The following ZNF578 variants were observed in gnomAD, a reference collection of about 807,000 sequenced individuals.
ZNF578 encodes Putative chemokine-related protein B42.
Under a neutral mutation model 8.3 loss-of-function variants are expected in ZNF578, and 8 were observed. The observed-to-expected ratio is 0.96, with a 90% CI of 0.56 to 1.74. The LOEUF (loss-of-function observed/expected upper bound fraction) is 1.74, where lower values mean the gene tolerates loss of function less well. Among genes scored for constraint, ZNF578 ranks in the 40% most tolerant of loss-of-function variants. ZNF578 has a pLI of 0.00. For synonymous variants in ZNF578, 206 were observed against 232.2 expected (o/e 0.89, Z 1.03); for missense variants, 726 against 707.5 (o/e 1.03, Z -0.30).
chr19:52,478,582 G>C (rs2059315305), intron 2 of ZNF578, among the ~76,000 whole-genome samples: 1 of 152,146 alleles, frequency 6.6e-6, no homozygotes, highest in African/African-American at 2.4e-5. Context: ...TTTAGACTCA[G>C]AACATGACTC....
At position 52,515,543 on chromosome 19, in the gene ZNF578, G is replaced by A. The variant is rs1487752228; in HGVS notation, c.*3389G>A. On this transcript the variant is annotated 3_prime_UTR_variant, in exon 6 of 6. Transcript: ENST00000421239. ...GCCATTAGCCCTTCCAGGACCCCAT[G>A]TAAGACTTTAGACACCTTCTCACTC... 1.3e-5 allele frequency among the ~76,000 whole-genome samples: 2 copies of A among 152,128 alleles called. No homozygotes were observed. Among genetic ancestry groups the A allele is most frequent in the South Asian group, 2.1e-4 (1 of 4,822 alleles).
chr19:52,505,786 A>T (rs1599913608), intron 5 of ZNF578, among the ~76,000 whole-genome samples: 1 of 152,186 alleles, frequency 6.6e-6, no homozygotes, highest in African/African-American at 2.4e-5. Flanking sequence ...CCTGTAAGAG[A>T]TATGGTTTTC....
intron 2 of ZNF578, among the ~76,000 whole-genome samples, chr19:52,471,572 G>T (rs2059291893): frequency 6.6e-6 from 1 of 152,088 alleles, no homozygotes; most frequent in Non-Finnish European, 1.5e-5. Flanking sequence ...CCACAAGTGG[G>T]TACTCCAACC....
intron 2 of ZNF578, among the ~76,000 whole-genome samples, chr19:52,471,700 T>C (rs542804032): frequency 6.6e-6 from 1 of 152,362 alleles, no homozygotes; most frequent in Non-Finnish European, 1.5e-5. Flanking sequence ...AGCCTCATTA[T>C]GTAATAAACA....
chr19:52,485,276 C>G (rs928507064), intron 2 of ZNF578, among the ~76,000 whole-genome samples: 1 of 152,214 alleles, frequency 6.6e-6, no homozygotes, highest in Non-Finnish European at 1.5e-5. Flanking sequence ...GGAGCCAGAA[C>G]GTGGGGCTGT....
chr19:52,455,520 C>G (rs1273845747), intron 1 of ZNF578: 2 of 152,240 alleles, frequency 1.3e-5, no homozygotes, highest in Non-Finnish European at 2.9e-5. Context: ...CATTTCATCT[C>G]ATGGTTTTAA....
At chr19:52,465,030 A>G (rs1176613539) in intron 2 of ZNF578, among the ~76,000 whole-genome samples, 1 of 152,200 alleles carries the variant, frequency 6.6e-6, no homozygotes, top group African/African-American at 2.4e-5. Context: ...CATCTGCCGG[A>G]CTTTGTCTTA....
intron 2 of ZNF578, among the ~76,000 whole-genome samples, chr19:52,487,779 G>A (rs1480297431): frequency 1.3e-5 from 2 of 151,904 alleles, no homozygotes; most frequent in African/African-American, 2.4e-5. Context: ...ACAGCCATGA[G>A]CCACCAAGCC....
chr19:52,475,026 C>T (rs186024021), intron 2 of ZNF578: 6 of 191,920 alleles, frequency 3.1e-5, no homozygotes, highest in South Asian at 2.0e-4. Context: ...ATGTGAATTG[C>T]GATTAAAGAC....
intron 2 of ZNF578, among the ~76,000 whole-genome samples, chr19:52,490,403 T>C (rs534200668): frequency 2.0e-5 from 3 of 152,346 alleles, no homozygotes; most frequent in African/African-American, 7.2e-5. Context: ...TTGTGGCTTT[T>C]TTCTTGAGAG....
intron 2 of ZNF578, among the ~76,000 whole-genome samples, chr19:52,481,158 ACT>A (rs1416662485): frequency 6.6e-6 from 1 of 151,716 alleles, no homozygotes; most frequent in African/African-American, 2.4e-5. Flanking sequence ...ACCTTATATT[ACT>A]CTCAGTACCT....
chr19:52,459,650 C>A (rs189583568), intron 2 of ZNF578, among the ~76,000 whole-genome samples: 1 of 84,824 alleles, frequency 1.2e-5, no homozygotes, highest in Non-Finnish European at 2.7e-5. Flanking sequence ...CACACACACA[C>A]ATATATATAC....
At chr19:52,502,173 A>T (rs1020850370) in intron 4 of ZNF578, among the ~76,000 whole-genome samples, 1 of 152,158 alleles carries the variant, frequency 6.6e-6, no homozygotes, top group Non-Finnish European at 1.5e-5. Context: ...ACACCCAGAC[A>T]TGGATTAACA....
chr19:52,482,789 T>G (rs1475745976), intron 2 of ZNF578, among the ~76,000 whole-genome samples: 1 of 151,200 alleles, frequency 6.6e-6, no homozygotes, highest in Non-Finnish European at 1.5e-5. Context: ...GTACAAAAAT[T>G]AGCGGGGTGT....
At chr19:52,492,284 G>A (rs1234978389) in intron 3 of ZNF578, among the ~76,000 whole-genome samples, 2 of 151,298 alleles carry the variant, frequency 1.3e-5, no homozygotes, top group East Asian at 2.0e-4. Flanking sequence ...TTCTCTGGCC[G>A]CTGCTTCCTG....
chr19:52,464,087 C>T (rs2059266962), intron 2 of ZNF578, among the ~76,000 whole-genome samples: 1 of 152,032 alleles, frequency 6.6e-6, no homozygotes, highest in South Asian at 2.1e-4. Context: ...ATTCATATAC[C>T]AGCCTGTCCG....
At chr19:52,503,601 C>G (rs538320449) in intron 4 of ZNF578, among the ~76,000 whole-genome samples, 1 of 152,186 alleles carries the variant, frequency 6.6e-6, no homozygotes, top group South Asian at 2.1e-4. Flanking sequence ...ACCTCGGTCT[C>G]CCAAGTGCTG....
At chr19:52,480,208 T>C (rs1267375711) in intron 2 of ZNF578, among the ~76,000 whole-genome samples, 2 of 152,106 alleles carry the variant, frequency 1.3e-5, no homozygotes, top group African/African-American at 2.4e-5. Context: ...GCCCAGTCGA[T>C]TATGAATCTT....
intron 2 of ZNF578, among the ~76,000 whole-genome samples, chr19:52,477,116 G>A (rs570737737): frequency 7.4e-4 from 113 of 152,318 alleles, no homozygotes; most frequent in African/African-American, 2.7e-3. Context: ...CTACAGTGAT[G>A]CCTCACAAGT....
Sources: gnomAD v4.1 joint callset for allele counts (sites outside exome capture counted in the v4.1 genomes callset) on GRCh38, gnomAD v4.1.1 for gene constraint, MANE v1.5 for transcripts, NCBI Gene and HGNC (gene_info 2026-07-23, HGNC 2026-07-21) for gene names.